AGBL4: variants seen among roughly 807,000 people sequenced by gnomAD.
AGBL4 encodes AGBL carboxypeptidase 4.
Under a neutral mutation model 66.4 loss-of-function variants are expected in AGBL4, and 58 were observed. That is an observed-to-expected ratio of 0.87 (90% CI 0.71 to 1.09). The LOEUF (loss-of-function observed/expected upper bound fraction) is 1.09, where lower values mean the gene tolerates loss of function less well. Ranked by LOEUF, AGBL4 falls within the 50% of genes least tolerant of loss-of-function variation. The pLI is 0.00. For synonymous variants in AGBL4, 234 were observed against 222.9 expected (o/e 1.05, Z -0.44); for missense variants, 579 against 631.0 (o/e 0.92, Z 0.88).
intron 5 of AGBL4, among the ~76,000 whole-genome samples, chr1:48,950,255 C>T (rs538928597): frequency 3.3e-5 from 5 of 152,232 alleles, no homozygotes; most frequent in Admixed American, 2.0e-4. Context: ...TGCCACCACA[C>T]CTGGCTAACT....
intron 4 of AGBL4, among the ~76,000 whole-genome samples, chr1:49,098,309 T>C (rs1645143164): frequency 6.6e-6 from 1 of 152,208 alleles, no homozygotes; most frequent in African/African-American, 2.4e-5. Context: ...CACTTAGGAA[T>C]GCATATAGAG....
intron 1 of AGBL4, among the ~76,000 whole-genome samples, chr1:49,960,783 A>G (rs1418451751): frequency 2.6e-5 from 4 of 152,092 alleles, no homozygotes; most frequent in East Asian, 1.9e-4. Context: ...AGAAAAGGAA[A>G]GTAATTTTCA....
intron 3 of AGBL4, among the ~76,000 whole-genome samples, chr1:49,302,608 T>TTTTTA (rs1167039507): frequency 0.07 from 7,557 of 108,360 alleles, 453 homozygotes; most frequent in East Asian, 0.14. Flanking sequence ...TTATTTTATT[T>TTTTTA]TTTTATTTTA....
At chr1:49,039,860 T>C (rs981132780) in intron 5 of AGBL4, among the ~76,000 whole-genome samples, 39 of 152,010 alleles carry the variant, frequency 2.6e-4, no homozygotes, top group African/African-American at 9.2e-4. Flanking sequence ...TGAAATACAA[T>C]TACACACTTA....
chr1:48,709,386 A>G (rs1204774049), intron 6 of AGBL4, among the ~76,000 whole-genome samples: 1 of 152,216 alleles, frequency 6.6e-6, no homozygotes, highest in Non-Finnish European at 1.5e-5. Flanking sequence ...GTGTGTGTAT[A>G]CAACAGATAT....
chr1:48,642,736 G>A (rs1251180361), intron 8 of AGBL4, among the ~76,000 whole-genome samples: 1 of 152,114 alleles, frequency 6.6e-6, no homozygotes, highest in Non-Finnish European at 1.5e-5. Flanking sequence ...TTTTCTGAAG[G>A]AATACACTGG....
intron 3 of AGBL4, among the ~76,000 whole-genome samples, chr1:49,468,709 T>C (rs1255642306): frequency 4.0e-5 from 6 of 151,854 alleles, no homozygotes; most frequent in African/African-American, 1.4e-4. Context: ...TCATTTCCAA[T>C]ACCGAAGGAA....
At chr1:49,996,383 C>A (rs190897316) in intron 1 of AGBL4, among the ~76,000 whole-genome samples, 1 of 152,192 alleles carries the variant, frequency 6.6e-6, no homozygotes, top group Non-Finnish European at 1.5e-5. Flanking sequence ...ATCACTACTT[C>A]TGGAAATGAA....
At chr1:49,574,403 C>T (rs759294354) in intron 3 of AGBL4, among the ~76,000 whole-genome samples, 8 of 152,036 alleles carry the variant, frequency 5.3e-5, no homozygotes, top group South Asian at 2.1e-4. Context: ...CCACTGTGAG[C>T]GAGCTGGAAA....
intron 6 of AGBL4, among the ~76,000 whole-genome samples, chr1:48,759,659 A>C (rs1409125763): frequency 6.6e-6 from 1 of 152,200 alleles, no homozygotes; most frequent in Non-Finnish European, 1.5e-5. Flanking sequence ...GGGGTGTTCA[A>C]TATGTATTTG....
chr1:49,011,543 AG>A, intron 5 of AGBL4, among the ~76,000 whole-genome samples: 1 of 152,204 alleles, frequency 6.6e-6, no homozygotes, highest in Non-Finnish European at 1.5e-5. Flanking sequence ...ATATACCCAA[AG>A]GACTATAAAT....
intron 4 of AGBL4, 91 bp from the exon 5 acceptor site, chr1:49,045,891 C>T (rs943629310): frequency 3.7e-6 from 4 of 1,086,098 alleles, no homozygotes; most frequent in Non-Finnish European, 5.3e-6. Context: ...TGGAGAAAAA[C>T]TGTAACATCA....
chr1:49,737,438 C>T (rs1213090696), intron 2 of AGBL4, among the ~76,000 whole-genome samples: 4 of 152,212 alleles, frequency 2.6e-5, no homozygotes, highest in Middle Eastern at 3.4e-3. Flanking sequence ...GAAACAGAAA[C>T]CAAAAACAGT....
chr1:49,789,406 A>C (rs570066084), intron 2 of AGBL4, among the ~76,000 whole-genome samples: 1 of 152,346 alleles, frequency 6.6e-6, no homozygotes, highest in South Asian at 2.1e-4. Flanking sequence ...CTCTGTTTGC[A>C]GATGACATGA....
intron 3 of AGBL4, among the ~76,000 whole-genome samples, chr1:49,672,342 G>C (rs919007266): frequency 1.3e-5 from 2 of 151,874 alleles, no homozygotes; most frequent in Non-Finnish European, 1.5e-5. Flanking sequence ...GTCTACTTGA[G>C]GGGGGAGGGT....
Position 49,708,019 on chromosome 1 carries a change from G to A in AGBL4, c.158-10582C>T, listed in dbSNP as rs1331894066. ...TCATTTCAACCTTGATGAATCTGAC[G>A]ATTATGTGTCTTGGGGTTGCTCTTC... is the stretch of plus-strand genomic sequence containing the variant. On this transcript the variant is annotated intron_variant, in intron 2 of 13. Transcript: ENST00000371839. 2.6e-5 allele frequency among the ~76,000 whole-genome samples: 4 copies of A among 152,080 alleles called. No individual in the cohort carries two copies. In the East Asian group the frequency reaches 5.8e-4, roughly 22 times the overall value.
intron 2 of AGBL4, among the ~76,000 whole-genome samples, chr1:49,850,603 T>C (rs1244270741): frequency 6.6e-6 from 1 of 152,166 alleles, no homozygotes; most frequent in East Asian, 1.9e-4. Flanking sequence ...AAATTTTCAA[T>C]TGTTTGGTAT....
At chr1:49,648,832 C>A (rs898499382) in intron 3 of AGBL4, among the ~76,000 whole-genome samples, 4 of 151,456 alleles carry the variant, frequency 2.6e-5, no homozygotes, top group Admixed American at 2.6e-4. Context: ...GTAGACCTGT[C>A]TTGAAAGAAA....
intron 2 of AGBL4, among the ~76,000 whole-genome samples, chr1:49,712,104 A>G (rs2124661738): frequency 6.6e-6 from 1 of 152,146 alleles, no homozygotes; most frequent in African/African-American, 2.4e-5. Flanking sequence ...ATGCCATATA[A>G]TATAAAACCA....
Sources: gnomAD v4.1 joint callset for allele counts (sites outside exome capture counted in the v4.1 genomes callset) on GRCh38, gnomAD v4.1.1 for gene constraint, MANE v1.5 for transcripts, NCBI Gene and HGNC (gene_info 2026-07-23, HGNC 2026-07-21) for gene names.